The following CACNA2D3 variants were observed in gnomAD, a reference collection of about 807,000 sequenced individuals.
CACNA2D3 encodes the protein voltage-dependent calcium channel subunit alpha-2/delta-3.
Under a neutral mutation model 160.6 loss-of-function variants are expected in CACNA2D3, and 60 were observed. That is an observed-to-expected ratio of 0.37 (90% confidence interval 0.30 to 0.46). CACNA2D3 has a LOEUF of 0.46. CACNA2D3 is among the 20% of genes least tolerant of loss of function. CACNA2D3 has a pLI of 1.00. For missense variants in CACNA2D3, 1,205 were observed against 1,365.0 expected (o/e 0.88, Z 1.85); for synonymous variants, 558 against 492.9 (o/e 1.13, Z -1.75).
rs1330204663 is a variant in CACNA2D3, at chr3:54,838,443, T to C, written c.1471-125T>C. 5 of 760,226 alleles carry C rather than the reference T, an allele frequency of 6.6e-6. No homozygotes were observed. The Admixed American group carries it at 9.6e-5, about 15-fold the overall frequency. The allele number at this position is 760,226 out of a possible 1,614,324, so 47.1% of individuals were successfully genotyped here. ...AAGAGACCATTCTTGGAGATATGGG[T>C]TAATCCTCAATCTGTATCAGTTTGG... On this transcript the variant is annotated intron_variant, in intron 15 of 37. Coordinates refer to ENST00000474759, the MANE Select transcript of CACNA2D3 (RefSeq NM_018398.3).
intron 27 of CACNA2D3, among the ~76,000 whole-genome samples, chr3:54,948,516 G>A (rs1294894820): frequency 6.6e-6 from 1 of 151,326 alleles, no homozygotes; most frequent in African/African-American, 2.5e-5. Context: ...TCTTCCTGCA[G>A]TGGTTTCACC....
chr3:54,430,801 G>A (rs1699978587), intron 4 of CACNA2D3, among the ~76,000 whole-genome samples: 2 of 152,054 alleles, frequency 1.3e-5, no homozygotes, highest in South Asian at 4.1e-4. Context: ...TAATTCTTTA[G>A]TGCAATAACT....
intron 13 of CACNA2D3, among the ~76,000 whole-genome samples, chr3:54,767,456 T>A (rs1204470574): frequency 6.6e-6 from 1 of 152,084 alleles, no homozygotes; most frequent in Non-Finnish European, 1.5e-5. Context: ...ATTGGGCAAA[T>A]GTGTAAATGC....
chr3:54,643,390 T>G (rs564741072), intron 11 of CACNA2D3, among the ~76,000 whole-genome samples: 1 of 152,266 alleles, frequency 6.6e-6, no homozygotes, highest in East Asian at 1.9e-4. Flanking sequence ...ACTACGTACA[T>G]TTTGTGCAAC....
chr3:54,569,698 ACCCTGT>A (rs1702463702), intron 6 of CACNA2D3, 91 bp from the exon 7 acceptor site: 1 of 992,236 alleles, frequency 1.0e-6, no homozygotes, highest in South Asian at 1.4e-5. Context: ...GTGATTTTTC[ACCCTGT>A]CCATTCAATC....
chr3:54,145,298 G>C (rs7639142), intron 2 of CACNA2D3, among the ~76,000 whole-genome samples: 21 of 152,148 alleles, frequency 1.4e-4, no homozygotes, highest in Non-Finnish European at 1.5e-5. Context: ...TTGCAGATGC[G>C]AAGTTGCGCT....
chr3:54,603,984 G>A (rs954890933), intron 9 of CACNA2D3, among the ~76,000 whole-genome samples: 6 of 152,104 alleles, frequency 3.9e-5, no homozygotes, highest in Non-Finnish European at 8.8e-5. Flanking sequence ...TGGATACATA[G>A]CATTCCAACC....
At chr3:54,567,505 GGTTTTTT>G (rs10556796) in intron 6 of CACNA2D3, among the ~76,000 whole-genome samples, 36,947 of 147,360 alleles carry the variant, frequency 0.25, 4,928 homozygotes, top group Middle Eastern at 0.37. Context: ...AGGTGGAGGT[GGTTTTTT>G]GTTTGTTGTT....
intron 5 of CACNA2D3, among the ~76,000 whole-genome samples, chr3:54,562,488 T>C (rs776090464): frequency 6.6e-6 from 1 of 152,160 alleles, no homozygotes; most frequent in East Asian, 1.9e-4. Flanking sequence ...CTCTCTCTGC[T>C]TTCTTAAAGA....
At chr3:54,434,406 G>C (rs1700032279) in intron 4 of CACNA2D3, among the ~76,000 whole-genome samples, 1 of 152,222 alleles carries the variant, frequency 6.6e-6, no homozygotes, top group Non-Finnish European at 1.5e-5. Flanking sequence ...GTAAAGCAGA[G>C]CTAGCTATCA....
intron 2 of CACNA2D3, among the ~76,000 whole-genome samples, chr3:54,193,757 AAT>A (rs1701022410): frequency 6.6e-6 from 1 of 152,138 alleles, no homozygotes; most frequent in Non-Finnish European, 1.5e-5. Context: ...GCTGAATTAC[AAT>A]GTGTTGTTGT....
At chr3:54,301,167 GGCCCACTTGA>G (rs1385461533) in intron 2 of CACNA2D3, among the ~76,000 whole-genome samples, 1 of 151,846 alleles carries the variant, frequency 6.6e-6, no homozygotes, top group Admixed American at 6.6e-5. Context: ...TGAGGCAGGA[GGCCCACTTGA>G]GCCCAGGAGT....
At chr3:54,276,173 G>A (rs940473807) in intron 2 of CACNA2D3, among the ~76,000 whole-genome samples, 7 of 152,192 alleles carry the variant, frequency 4.6e-5, no homozygotes, top group South Asian at 4.2e-4. Context: ...TGTGCCCTGC[G>A]CCCTCTCCCA....
chr3:54,989,249 C>T (rs1702684830), intron 31 of CACNA2D3, among the ~76,000 whole-genome samples: 1 of 152,180 alleles, frequency 6.6e-6, no homozygotes, highest in Admixed American at 6.5e-5. Context: ...TTTCCTCTCC[C>T]TCTTGGATAT....
chr3:54,630,286 G>C (rs1699206710), intron 10 of CACNA2D3, among the ~76,000 whole-genome samples: 1 of 151,946 alleles, frequency 6.6e-6, no homozygotes, highest in Non-Finnish European at 1.5e-5. Flanking sequence ...GGTTCTCTTT[G>C]CCCAAGTCAT....
chr3:54,605,440 C>T (rs1000525714), intron 9 of CACNA2D3, among the ~76,000 whole-genome samples: 1 of 152,044 alleles, frequency 6.6e-6, no homozygotes, highest in African/African-American at 2.4e-5. Flanking sequence ...TATTATTCAC[C>T]AGCATTTCAG....
chr3:54,126,900 G>A (rs1445632295), intron 2 of CACNA2D3, among the ~76,000 whole-genome samples: 2 of 152,110 alleles, frequency 1.3e-5, no homozygotes, highest in African/African-American at 2.4e-5. Context: ...CATTTTCCCC[G>A]AAGAATGGAC....
chr3:54,843,388 G>T (rs1385892584), intron 16 of CACNA2D3, among the ~76,000 whole-genome samples: 2 of 152,248 alleles, frequency 1.3e-5, no homozygotes, highest in African/African-American at 4.8e-5. Context: ...CATGGGTGAG[G>T]ATTAGCCACA....
intron 11 of CACNA2D3, among the ~76,000 whole-genome samples, chr3:54,746,693 T>G (rs1701758783): frequency 1.3e-5 from 2 of 152,224 alleles, no homozygotes; most frequent in African/African-American, 4.8e-5. Flanking sequence ...TAAATGTTTT[T>G]TAAAATAAAA....
Sources: allele counts gnomAD v4.1 joint callset (sites outside exome capture counted in the v4.1 genomes callset), GRCh38; gene constraint gnomAD v4.1.1; transcripts MANE v1.5; gene names NCBI Gene and HGNC (gene_info 2026-07-23, HGNC 2026-07-21).